Variants in RBM47 observed in about 807,000 individuals in gnomAD.
The protein encoded by RBM47 is RNA binding motif protein 47.
In RBM47, 21 loss-of-function variants were observed where a neutral mutation model predicts 47.1. The ratio of observed to expected loss-of-function variants is 0.45; its 90% CI spans 0.32 to 0.64. The LOEUF is 0.64. RBM47 is among the 30% of genes least tolerant of loss of function. The pLI, the probability that RBM47 is intolerant of heterozygous loss-of-function variation, is 0.05. For missense variants in RBM47, 708 were observed against 870.9 expected (o/e 0.81, Z 2.35); for synonymous variants, 375 against 361.7 (o/e 1.04, Z -0.42).
intron 1 of RBM47, among the ~76,000 whole-genome samples, chr4:40,615,589 T>C (rs1248585598): frequency 2.0e-5 from 3 of 152,194 alleles, no homozygotes; most frequent in African/African-American, 7.2e-5. Context: ...AAGACCAGCC[T>C]GGCTAACATG....
At chr4:40,538,842 GC>G (rs1239215133) in intron 2 of RBM47, among the ~76,000 whole-genome samples, 1 of 151,802 alleles carries the variant, frequency 6.6e-6, no homozygotes, top group Non-Finnish European at 1.5e-5. Context: ...CACCATGTTG[GC>G]CAGTCAGTTT....
At chr4:40,623,523 G>A (rs1737455106) in intron 1 of RBM47, among the ~76,000 whole-genome samples, 2 of 152,052 alleles carry the variant, frequency 1.3e-5, no homozygotes, top group African/African-American at 2.4e-5. Context: ...TTTTAGAGGT[G>A]AGATCTCACT....
Position 40,566,594 on chromosome 4 carries a change from G to C in RBM47, c.-239-22088C>G, listed in dbSNP as rs28552829. The stretch of plus-strand genomic sequence containing the variant: ...TGGGAGGCAGAGGTTGCAGTGAGCT[G>C]AGATAGCGCCACTACACTCCACGCT... On this transcript the variant is annotated intron_variant, in intron 1 of 6. Transcript: ENST00000295971. Among the ~76,000 whole-genome samples the C allele has an allele frequency of 2.0e-5, 3 of 152,006 alleles. 1 individual carries two copies. Among genetic ancestry groups the C allele is most frequent in the Non-Finnish European group, 4.4e-5 (3 of 67,916 alleles).
chr4:40,512,664 G>A (rs1396971345), intron 2 of RBM47, among the ~76,000 whole-genome samples: 9 of 145,556 alleles, frequency 6.2e-5, no homozygotes, highest in African/African-American at 1.5e-4. Context: ...GCAGTGAGCC[G>A]AGATTGTGCC....
chr4:40,626,366 A>G (rs1737734351), intron 1 of RBM47, among the ~76,000 whole-genome samples: 1 of 152,218 alleles, frequency 6.6e-6, no homozygotes, highest in South Asian at 2.1e-4. Context: ...GATATCTTGA[A>G]TTCATTCAAA....
chr4:40,527,592 A>C (rs1398489405), intron 2 of RBM47, among the ~76,000 whole-genome samples: 1 of 150,130 alleles, frequency 6.7e-6, no homozygotes, highest in Non-Finnish European at 1.5e-5. Context: ...CGCCCGGACT[A>C]ACTTTTGTAT....
At chr4:40,549,369 G>A (rs1002226741) in intron 1 of RBM47, among the ~76,000 whole-genome samples, 1 of 152,176 alleles carries the variant, frequency 6.6e-6, no homozygotes, top group African/African-American at 2.4e-5. Context: ...TGGGATTACA[G>A]GCGTGAGCCA....
chr4:40,449,779 A>G (rs974132023), intron 3 of RBM47, among the ~76,000 whole-genome samples: 2 of 152,162 alleles, frequency 1.3e-5, no homozygotes, highest in Non-Finnish European at 2.9e-5. Context: ...CCCGGGTTCA[A>G]GTGATTCTCC....
chr4:40,576,256 T>TCG (rs1553903893), intron 1 of RBM47, among the ~76,000 whole-genome samples: 1 of 117,786 alleles, frequency 8.5e-6, no homozygotes, highest in African/African-American at 3.4e-5. Context: ...TTTTTTTTTT[T>TCG]GGGGGGGGGC....
intron 1 of RBM47, among the ~76,000 whole-genome samples, chr4:40,578,386 T>C (rs964212306): frequency 6.6e-6 from 1 of 152,236 alleles, no homozygotes; most frequent in Non-Finnish European, 1.5e-5. Flanking sequence ...TCCTATAATA[T>C]GGAAGGAAGT....
At chr4:40,624,031 T>C (rs1737508991) in intron 1 of RBM47, among the ~76,000 whole-genome samples, 1 of 152,158 alleles carries the variant, frequency 6.6e-6, no homozygotes, top group Non-Finnish European at 1.5e-5. Context: ...TTTGTATTTT[T>C]TGTAGAGATG....
intron 3 of RBM47, among the ~76,000 whole-genome samples, chr4:40,450,665 C>T (rs1715274180): frequency 6.6e-6 from 1 of 152,052 alleles, no homozygotes; most frequent in African/African-American, 2.4e-5. Flanking sequence ...AGAATTTGAG[C>T]TGCTCAGGGA....
At chr4:40,470,545 C>A (rs978913131) in intron 2 of RBM47, among the ~76,000 whole-genome samples, 1 of 152,080 alleles carries the variant, frequency 6.6e-6, no homozygotes, top group Non-Finnish European at 1.5e-5. Context: ...GTTTCAAGTC[C>A]ATTTTTGGAA....
intron 2 of RBM47, among the ~76,000 whole-genome samples, chr4:40,495,987 C>T (rs1442708581): frequency 6.6e-6 from 1 of 152,170 alleles, no homozygotes; most frequent in Non-Finnish European, 1.5e-5. Flanking sequence ...TGCCTAATGT[C>T]CTGACAGTGT....
chr4:40,538,419 C>T (rs1343336575), intron 2 of RBM47, among the ~76,000 whole-genome samples: 3 of 150,952 alleles, frequency 2.0e-5, no homozygotes, highest in African/African-American at 7.3e-5. Flanking sequence ...CTCCGCCTCC[C>T]GGGTTCAAGC....
intron 2 of RBM47, among the ~76,000 whole-genome samples, chr4:40,507,019 C>T (rs1184836937): frequency 1.3e-5 from 2 of 152,110 alleles, no homozygotes; most frequent in South Asian, 2.1e-4. Context: ...TGCAGTGGTG[C>T]GATCTTGGCT....
rs539777138 is a variant in RBM47, at chr4:40,557,725, G to A, written c.-239-13219C>T. Reference sequence around the variant, plus strand: ...GGTCGCACCATTGCACTCCAGCCTGGGCAACAAGAGCGAAACCCCACCTTA... The same window carrying A: ...GGTCGCACCATTGCACTCCAGCCTGAGCAACAAGAGCGAAACCCCACCTTA... On this transcript the variant is annotated intron_variant, in intron 1 of 6. Transcript: ENST00000295971. Among the ~76,000 whole-genome samples, 305 of 146,134 alleles carry A rather than the reference G, an allele frequency of 2.1e-3. 1 individual carries two copies. Among genetic ancestry groups the A allele is most frequent in the Admixed American group, 3.7e-3 (52 of 14,062 alleles).
chr4:40,560,414 T>G (rs1560469239), intron 1 of RBM47, among the ~76,000 whole-genome samples: 2 of 149,498 alleles, frequency 1.3e-5, no homozygotes, highest in Non-Finnish European at 3.0e-5. Flanking sequence ...GATCAAGAGT[T>G]CAAAGCAACC....
intron 1 of RBM47, among the ~76,000 whole-genome samples, chr4:40,552,650 C>T (rs1337441395): frequency 1.3e-5 from 2 of 152,212 alleles, no homozygotes; most frequent in Non-Finnish European, 2.9e-5. Context: ...GGCATGTCCT[C>T]ACACTTGGAA....
Sources: gnomAD v4.1 joint callset for allele counts (sites outside exome capture counted in the v4.1 genomes callset) on GRCh38, gnomAD v4.1.1 for gene constraint, MANE v1.5 for transcripts, NCBI Gene and HGNC (gene_info 2026-07-23, HGNC 2026-07-21) for gene names.